SORCS3: variants seen among roughly 807,000 people sequenced by gnomAD.
SORCS3 encodes the protein sortilin related VPS10 domain containing receptor 3.
SORCS3 carries 57 observed loss-of-function variants against 146.3 expected under a neutral mutation model. The ratio of observed to expected loss-of-function variants is 0.39; its 90% CI spans 0.31 to 0.49. The LOEUF (loss-of-function observed/expected upper bound fraction) is 0.49. Ranked by LOEUF, SORCS3 falls within the 20% of genes least tolerant of loss-of-function variation. The pLI is 0.92. For missense variants in SORCS3, 1,341 were observed against 1,575.5 expected (o/e 0.85, Z 2.52); for synonymous variants, 653 against 618.5 (o/e 1.06, Z -0.83).
At chr10:105,038,370 G>C (rs967614020) in intron 4 of SORCS3, among the ~76,000 whole-genome samples, 3 of 152,192 alleles carry the variant, frequency 2.0e-5, no homozygotes, top group Non-Finnish European at 4.4e-5. Context: ...TATAAGGAAG[G>C]ATTCAACACT....
chr10:105,189,684 G>A (rs1242505838), intron 14 of SORCS3, among the ~76,000 whole-genome samples: 3 of 152,174 alleles, frequency 2.0e-5, no homozygotes, highest in African/African-American at 7.2e-5. Context: ...CAGCTTGGAA[G>A]AAAGAGCTGG....
chr10:105,234,580 T>G (rs1389268594), intron 20 of SORCS3, among the ~76,000 whole-genome samples: 2 of 151,954 alleles, frequency 1.3e-5, no homozygotes, highest in Non-Finnish European at 1.5e-5. Context: ...TTGTTTTTGC[T>G]TTTCAGTTTT....
At chr10:104,991,416 A>G (rs981229706) in intron 4 of SORCS3, among the ~76,000 whole-genome samples, 1 of 151,644 alleles carries the variant, frequency 6.6e-6, no homozygotes, top group Non-Finnish European at 1.5e-5. Flanking sequence ...TTCTCTCTGC[A>G]TCTTCATAAG....
rs564647184 is a variant in SORCS3 at position 105,099,997 on chromosome 10, G to A, written c.1094-5400G>A. ...GAGCCAATACAAAAGGAATGAATCA[G>A]TCAGTGTAAGGCAGCCCTTCTCACC... On this transcript the variant is annotated intron_variant, in intron 6 of 26. Transcript: ENST00000369701. Among the ~76,000 whole-genome samples the A allele has an allele frequency of 1.4e-4, 21 of 152,260 alleles. No homozygotes were observed. In the South Asian group the frequency reaches 4.4e-3, roughly 32 times the overall value.
intron 1 of SORCS3, among the ~76,000 whole-genome samples, chr10:104,710,959 A>C (rs530767276): frequency 3.3e-5 from 5 of 152,172 alleles, no homozygotes; most frequent in African/African-American, 9.7e-5. Context: ...GGGAGATTAG[A>C]TGGACGTTTC....
chr10:105,011,976 A>T (rs1016502197), intron 4 of SORCS3, among the ~76,000 whole-genome samples: 2 of 152,176 alleles, frequency 1.3e-5, no homozygotes, highest in African/African-American at 4.8e-5. Flanking sequence ...GCAAGAAAGG[A>T]GCATAGAGGA....
intron 20 of SORCS3, among the ~76,000 whole-genome samples, chr10:105,233,441 T>C (rs190457557): frequency 6.6e-5 from 10 of 152,268 alleles, no homozygotes; most frequent in Non-Finnish European, 1.2e-4. Flanking sequence ...AGTTCTGGGG[T>C]ACATGTGAAG....
intron 11 of SORCS3, among the ~76,000 whole-genome samples, chr10:105,161,235 G>T (rs1428713837): frequency 6.6e-6 from 1 of 152,180 alleles, no homozygotes; most frequent in African/African-American, 2.4e-5. Flanking sequence ...AAAAGCCAGG[G>T]CTAAGTCACT....
chr10:105,016,637 C>G (rs1350697430), intron 4 of SORCS3, among the ~76,000 whole-genome samples: 1 of 151,822 alleles, frequency 6.6e-6, no homozygotes, highest in Non-Finnish European at 1.5e-5. Flanking sequence ...ATGGTGATGA[C>G]TTTTTTTTGT....
chr10:104,641,733 C>A lies in SORCS3; in HGVS notation c.406C>A (p.Pro136Thr), dbSNP rs373150688. ...CGCGAGGAGGAGTCGCCGGGCGCAG[C>A]CCCCAATCACCCAGGAACGCGGGGA... The part of the protein sequence containing the change: ...GGARRSRRAQ[P>T]PITQERGDAW... Residue 136 changes from proline (P) to threonine (T), a missense_variant, in exon 1 of 27, where the codon CCC becomes ACC. Pro to Thr is a conservative substitution (Grantham distance 38). Transcript: ENST00000369701. This position sits in a 1 kb window ranked among gnomAD's most constrained non-coding sequence, Gnocchi z 6.4. 6.5e-7 allele frequency: 1 copy of A among 1,544,196 alleles called. No homozygotes were observed. The highest frequency in any genetic ancestry group is 1.4e-5 in the African/African-American group (1 of 72,634).
chr10:104,814,330 G>A (rs184112244), intron 1 of SORCS3, among the ~76,000 whole-genome samples: 93 of 152,188 alleles, frequency 6.1e-4, no homozygotes, highest in African/African-American at 2.1e-3. Context: ...CACATGCCAT[G>A]CAAAATATTT....
intron 1 of SORCS3, among the ~76,000 whole-genome samples, chr10:104,708,794 A>G (rs1454641773): frequency 6.6e-6 from 1 of 152,112 alleles, no homozygotes; most frequent in Non-Finnish European, 1.5e-5. Context: ...CTCAGACTGC[A>G]CTGGGTGCCT....
intron 2 of SORCS3, among the ~76,000 whole-genome samples, chr10:104,856,852 A>G (rs2018340556): frequency 6.9e-6 from 1 of 145,270 alleles, no homozygotes; most frequent in Non-Finnish European, 1.5e-5. Context: ...AATAATATAT[A>G]TTTATATATA....
intron 1 of SORCS3, among the ~76,000 whole-genome samples, chr10:104,799,800 T>A (rs948448611): frequency 1.3e-5 from 2 of 151,990 alleles, no homozygotes; most frequent in Non-Finnish European, 1.5e-5. Flanking sequence ...CTCAGCCTCC[T>A]GAGTAGCTGG....
At chr10:104,807,691 C>A (rs1707419429) in intron 1 of SORCS3, among the ~76,000 whole-genome samples, 2 of 152,112 alleles carry the variant, frequency 1.3e-5, no homozygotes. Flanking sequence ...TGTAGTTGAA[C>A]TTCTTGAATA....
chr10:105,009,963 C>T (rs1444966601), intron 4 of SORCS3, among the ~76,000 whole-genome samples: 4 of 152,092 alleles, frequency 2.6e-5, no homozygotes, highest in Admixed American at 2.6e-4. Context: ...CCTCTTTATA[C>T]AGATGAGGAG....
intron 3 of SORCS3, among the ~76,000 whole-genome samples, chr10:104,970,932 G>A (rs1175302302): frequency 6.6e-6 from 1 of 152,070 alleles, no homozygotes. Flanking sequence ...TATACTCTGG[G>A]CCTTATGGTT....
At chr10:104,787,367 G>T (rs961989114) in intron 1 of SORCS3, among the ~76,000 whole-genome samples, 3 of 152,170 alleles carry the variant, frequency 2.0e-5, no homozygotes, top group African/African-American at 7.2e-5. Context: ...GAATGATGAA[G>T]ACCTTTGCAA....
At chr10:104,734,775 G>A in intron 1 of SORCS3, among the ~76,000 whole-genome samples, 1 of 152,166 alleles carries the variant, frequency 6.6e-6, no homozygotes, top group East Asian at 1.9e-4. Context: ...GCTTTGGGTG[G>A]AGCTAGCCAG....
Sources: allele counts gnomAD v4.1 joint callset (sites outside exome capture counted in the v4.1 genomes callset), GRCh38; gene constraint gnomAD v4.1.1; non-coding constraint Gnocchi (gnomAD v3.1); transcripts MANE v1.5; gene names NCBI Gene and HGNC (gene_info 2026-07-23, HGNC 2026-07-21).